MELK: variants seen among roughly 807,000 people sequenced by gnomAD.
The protein encoded by MELK is maternal embryonic leucine zipper kinase.
Under a neutral mutation model 85.0 loss-of-function variants are expected in MELK, and 81 were observed. The ratio of observed to expected loss-of-function variants is 0.95; its 90% CI spans 0.80 to 1.15. The LOEUF (loss-of-function observed/expected upper bound fraction) is 1.15. MELK is among the 50% of genes most tolerant of loss of function. MELK has a pLI of 0.00. For missense variants in MELK, 754 were observed against 777.5 expected (o/e 0.97, Z 0.36); for synonymous variants, 252 against 265.0 (o/e 0.95, Z 0.48).
chr9:36,649,924 A>T (rs1256716863), intron 11 of MELK, among the ~76,000 whole-genome samples: 1 of 151,130 alleles, frequency 6.6e-6, no homozygotes, highest in African/African-American at 2.4e-5. Flanking sequence ...ATCTCTATTT[A>T]ATTTAATTTA....
chr9:36,594,715 G>C lies in MELK; in HGVS notation c.349G>C (p.Val117Leu). ...EETRVVFRQI[V>L]SAVAYVHSQG... is the part of the protein sequence containing the mutation. ...GACCCGGGTTGTCTTCCGTCAGATA[G>C]TATCTGCTGTTGCTTATGTGCACAG... The change falls in exon 5 of 18, where the codon GTA (valine) becomes CTA (leucine). Residue 117 changes from valine to leucine, a missense_variant. Transcript: ENST00000298048. The C allele has an allele frequency of 2.5e-6, 4 of 1,614,094 alleles. No homozygotes were observed. Among genetic ancestry groups the C allele is most frequent in the Non-Finnish European group, 2.5e-6 (3 of 1,180,030 alleles).
intron 1 of MELK, among the ~76,000 whole-genome samples, chr9:36,576,385 G>A (rs983101204): frequency 6.6e-5 from 10 of 152,104 alleles, no homozygotes; most frequent in African/African-American, 2.4e-4. Flanking sequence ...TCAGAATGTC[G>A]TTTTGCATGT....
In MELK at chr9:36,599,490, A is replaced by T; in HGVS notation, c.567+4A>T. 6.2e-7 allele frequency: 1 copy of T among 1,600,916 alleles called. No homozygotes were observed. The highest frequency in any genetic ancestry group is 8.6e-7 in the Non-Finnish European group (1 of 1,168,436). On this transcript the variant is annotated splice_donor_region_variant and intron_variant, in intron 7 of 17. Transcript: ENST00000298048. The stretch of plus-strand genomic sequence containing the variant: ...CAAATCATATCTTGGATCAGAGGTA[A>T]TTATTCATTGATTAATTCATTATAT...
intron 3 of MELK, among the ~76,000 whole-genome samples, chr9:36,589,076 T>C (rs1823253908): frequency 6.6e-6 from 1 of 152,208 alleles, no homozygotes; most frequent in African/African-American, 2.4e-5. Context: ...TTTATGCACA[T>C]GCAAATAAAT....
Position 36,651,804 on chromosome 9 carries a change from G to A in MELK, c.980G>A (p.Gly327Glu), listed in dbSNP as rs779966054. ...YLLLLAKKAR[G>E]KPVRLRLSSF... ...CTGCTTCTAGCCAAGAAGGCTCGGG[G>A]AAAACCAGTTCGTTTAAGGCTTTCT... Residue 327 changes from glycine to glutamate, a missense_variant, in exon 12 of 18, where the codon GGA (glycine) becomes GAA (glutamate). Coordinates refer to ENST00000298048, the MANE Select transcript of MELK (RefSeq NM_014791.4). 6.2e-7 allele frequency: 1 copy of A among 1,614,032 alleles called. No homozygotes were observed.
At chr9:36,659,132 C>T (rs955305455) in intron 13 of MELK, among the ~76,000 whole-genome samples, 21 of 152,186 alleles carry the variant, frequency 1.4e-4, no homozygotes, top group African/African-American at 3.1e-4. Context: ...CCGCCCGCCT[C>T]GGCCTCCCAA....
intron 5 of MELK, among the ~76,000 whole-genome samples, chr9:36,595,335 A>G (rs775007080): frequency 3.4e-4 from 52 of 152,026 alleles, no homozygotes; most frequent in Non-Finnish European, 6.3e-4. Flanking sequence ...ACAGGGTTTC[A>G]CTGTGTTAGC....
intron 9 of MELK, 100 bp downstream of exon 9, chr9:36,630,467 A>T: frequency 1.1e-6 from 1 of 917,044 alleles, no homozygotes. Context: ...CTTGAAAAAA[A>T]TCCCACTCAT....
chr9:36,625,219 C>T (rs780287853), intron 8 of MELK, among the ~76,000 whole-genome samples: 9 of 152,100 alleles, frequency 5.9e-5, no homozygotes, highest in South Asian at 2.1e-4. Context: ...AGGCAGCTCA[C>T]GGCCTTTTGA....
chr9:36,661,187 CAT>C (rs1240497306), intron 13 of MELK, among the ~76,000 whole-genome samples: 1 of 152,236 alleles, frequency 6.6e-6, no homozygotes, highest in East Asian at 1.9e-4. Flanking sequence ...CTAAGACTAT[CAT>C]AGAGCTGGAG....
In MELK at chr9:36,615,625, C is replaced by T. The variant is rs1472099795; in HGVS notation, c.666+7952C>T. On this transcript the variant is annotated intron_variant, in intron 8 of 17. Transcript: ENST00000298048. Reference sequence around the variant, plus strand: ...GGGTGGTTGCCAGGCAGAGGGTCTCCTCACTTCTCAGACGGGGCGGCCGGG... The same window carrying T: ...GGGTGGTTGCCAGGCAGAGGGTCTCTTCACTTCTCAGACGGGGCGGCCGGG... Among the ~76,000 whole-genome samples the T allele has an allele frequency of 4.0e-3, 523 of 132,014 alleles. 13 individuals carry two copies. Among genetic ancestry groups the T allele is most frequent in the Admixed American group, 8.2e-3 (117 of 14,238 alleles). The allele number at this position is 132,014 out of a possible 152,430, so 86.6% of individuals were successfully genotyped here.
intron 13 of MELK, among the ~76,000 whole-genome samples, chr9:36,658,883 ATTTT>A (rs537014195): frequency 1.0e-5 from 1 of 95,840 alleles, no homozygotes; most frequent in African/African-American, 3.9e-5. Flanking sequence ...TTTTTTTTCT[ATTTT>A]TTTTTTTTTT....
At chr9:36,611,978 G>C (rs1327204913) in intron 8 of MELK, among the ~76,000 whole-genome samples, 1 of 151,828 alleles carries the variant, frequency 6.6e-6, no homozygotes, top group Non-Finnish European at 1.5e-5. Flanking sequence ...TCACCATATT[G>C]GTCAGGCTGG....
In MELK at chr9:36,665,570, C is replaced by T. The variant is rs776202476; in HGVS notation, c.1397C>T (p.Thr466Ile). ...CTCACTACGCCAAATCGTTACACTA[C>T]ACCCTCAAAAGGTATTTGCTAAGTG... is the stretch of plus-strand genomic sequence containing the variant. The part of the protein sequence containing the change: ...EILTTPNRYT[T>I]PSKARNQCLK... The change falls in exon 14 of 18, where the codon ACA becomes ATA. Residue 466 changes from threonine (T) to isoleucine (I), a missense_variant. Transcript: ENST00000298048. 2 of 1,609,526 alleles carry T rather than the reference C, an allele frequency of 1.2e-6. No individual in the cohort carries two copies. The highest frequency in any genetic ancestry group is 1.7e-5 in the Admixed American group (1 of 59,624).
chr9:36,588,003 C>T (rs887681889), intron 3 of MELK, among the ~76,000 whole-genome samples: 13 of 150,766 alleles, frequency 8.6e-5, no homozygotes, highest in Admixed American at 1.3e-4. Flanking sequence ...CCTGACCTCG[C>T]GATCTGCCCG....
intron 8 of MELK, among the ~76,000 whole-genome samples, chr9:36,627,802 C>T (rs1428038366): frequency 6.6e-6 from 1 of 152,096 alleles, no homozygotes; most frequent in Non-Finnish European, 1.5e-5. Flanking sequence ...GCTGGGATTA[C>T]AGGCGTGAGC....
chr9:36,677,116 A>G lies in MELK; in HGVS notation c.1779-44A>G, dbSNP rs374996659. 2.2e-4 allele frequency: 350 copies of G among 1,559,742 alleles called. 1 individual carries two copies. The highest frequency in any genetic ancestry group is 4.6e-4 in the Admixed American group (27 of 58,190). On this transcript the variant is annotated intron_variant, in intron 17 of 17. Coordinates refer to ENST00000298048, the MANE Select transcript of MELK (RefSeq NM_014791.4). ...GAGGCTTAGAAAACTCTTATACAGA[A>G]TATGGTTCTCCTACTAACTAGCTTC...
chr9:36,659,820 A>T (rs778099133), intron 13 of MELK, among the ~76,000 whole-genome samples: 3 of 152,154 alleles, frequency 2.0e-5, no homozygotes, highest in Non-Finnish European at 4.4e-5. Flanking sequence ...TTTTTTTGAG[A>T]TGGAGTTTTG....
intron 13 of MELK, among the ~76,000 whole-genome samples, chr9:36,660,402 C>T (rs925199385): frequency 1.3e-5 from 2 of 151,982 alleles, no homozygotes; most frequent in South Asian, 2.1e-4. Context: ...ACTGCAGCCT[C>T]GACCTCCTGG....
Sources: gnomAD v4.1 joint callset for allele counts (sites outside exome capture counted in the v4.1 genomes callset) on GRCh38, gnomAD v4.1.1 for gene constraint, MANE v1.5 for transcripts, NCBI Gene and HGNC (gene_info 2026-07-23, HGNC 2026-07-21) for gene names.